IL17RD: variants seen among roughly 807,000 people sequenced by gnomAD.
IL17RD encodes interleukin-17 receptor D.
A neutral mutation model predicts 80.5 loss-of-function variants in IL17RD; 52 were observed. That is an observed-to-expected ratio of 0.65 (90% CI 0.52 to 0.81). IL17RD has a LOEUF of 0.81. Among genes scored for constraint, IL17RD ranks in the 40% least tolerant of loss-of-function variants. The probability of loss-of-function intolerance (pLI) is 0.00; values close to 1 mark genes in which losing one functional copy is unlikely to be tolerated. For synonymous variants in IL17RD, 416 were observed against 391.8 expected (o/e 1.06, Z -0.73); for missense variants, 1,024 against 955.1 (o/e 1.07, Z -0.95).
At chr3:57,165,140 A>T in intron 1 of IL17RD, 21 bp downstream of exon 1, 3 of 1,507,200 alleles carry the variant, frequency 2.0e-6, no homozygotes, top group Non-Finnish European at 2.7e-6. Context: ...GACGGCAAGA[A>T]ACCCGCCGCC....
Position 57,114,727 on chromosome 3 carries a change from A to G in IL17RD, c.275T>C (p.Val92Ala). 2 of 1,612,364 alleles carry G rather than the reference A, an allele frequency of 1.2e-6. No homozygotes were observed. Among genetic ancestry groups the G allele is most frequent in the East Asian group, 4.5e-5 (2 of 44,826 alleles). The change falls in exon 3 of 13, where the codon GTG (valine) becomes GCG (alanine). Residue 92 changes from valine (V) to alanine (A), a missense_variant. Coordinates refer to ENST00000296318, the MANE Select transcript of IL17RD (RefSeq NM_017563.5). Reference sequence around the variant, plus strand: ...TGGGGACCAAAGAATGGTGACTGCCACTTGGTCATGGCAAGCATACTGGCT... The same window carrying G: ...TGGGGACCAAAGAATGGTGACTGCCGCTTGGTCATGGCAAGCATACTGGCT... ...TISQYACHDQ[V>A]AVTILWSPGA...
chr3:57,131,694 G>C (rs559564999), intron 1 of IL17RD, among the ~76,000 whole-genome samples: 55 of 152,252 alleles, frequency 3.6e-4, no homozygotes, highest in African/African-American at 1.3e-3. Context: ...TCATTACCAA[G>C]ACTCACAGCT....
At chr3:57,105,552 A>AAAAAAAAAAAAAAAAAAAAAAT in intron 7 of IL17RD, among the ~76,000 whole-genome samples, 18 of 63,586 alleles carry the variant, frequency 2.8e-4, no homozygotes, top group African/African-American at 6.5e-4. Context: ...AAAAAAAAAA[A>AAAAAAAAAAAAAAAAAAAAAAT]ATATATATAT....
chr3:57,123,060 T>G (rs1263290049), intron 1 of IL17RD, among the ~76,000 whole-genome samples: 3 of 152,198 alleles, frequency 2.0e-5, no homozygotes. Flanking sequence ...AGGTGTGCTA[T>G]GCCATGCATT....
rs1706609950 is a variant in IL17RD at position 57,093,808 on chromosome 3, C to T, written c.*2585G>A. ...ACCTGAGCTTTAACCTCCTTGATCA[C>T]TCTCCTGGCAAAGCTGATGACATCA... On this transcript the variant is annotated 3_prime_UTR_variant, in exon 13 of 13. Coordinates refer to ENST00000296318, the MANE Select transcript of IL17RD (RefSeq NM_017563.5). 1 of 152,216 alleles carries T rather than the reference C, an allele frequency of 6.6e-6. No individual in the cohort carries two copies. Among genetic ancestry groups the T allele is most frequent in the African/African-American group, 2.4e-5 (1 of 41,442 alleles). 9.4% of individuals were successfully genotyped at this position (152,216 alleles called of 1,614,324 possible). A position where few individuals can be genotyped will look rare whatever the true frequency, so the allele number is the denominator to read the frequency against.
At chr3:57,111,159 C>T (rs1707089293) in intron 3 of IL17RD, among the ~76,000 whole-genome samples, 1 of 152,262 alleles carries the variant, frequency 6.6e-6, no homozygotes, top group Non-Finnish European at 1.5e-5. Flanking sequence ...ATTTCACATT[C>T]CTTCTGAACA....
Position 57,135,749 on chromosome 3 carries a change from A to G in IL17RD, c.127-15436T>C, listed in dbSNP as rs116067749. Among the ~76,000 whole-genome samples, 329 of 152,342 alleles carry G rather than the reference A, an allele frequency of 2.2e-3. 1 individual carries two copies. The highest frequency in any genetic ancestry group is 7.6e-3 in the African/African-American group (317 of 41,574). ...TAAAGTGAGTTAGGACCACTGGGCAAAATTCTTTCTAAGGGTCTTATCAAC... is the reference window on the plus strand; with the variant it reads ...TAAAGTGAGTTAGGACCACTGGGCAGAATTCTTTCTAAGGGTCTTATCAAC... On this transcript the variant is annotated intron_variant, in intron 1 of 12. Coordinates refer to ENST00000296318, the MANE Select transcript of IL17RD (RefSeq NM_017563.5).
At position 57,105,956 on chromosome 3, in the gene IL17RD, C is replaced by G. The variant is rs1706954358; in HGVS notation, c.648G>C (p.Val216=). 8.7e-6 allele frequency: 14 copies of G among 1,613,802 alleles called. No homozygotes were observed. In the East Asian group the frequency reaches 3.1e-4, roughly 36 times the overall value. ...AGTTGTGCGGTGCATGGTCGAAGGA[C>G]ACCTGCATGTCCGAGCCATGCTGGC... ...NISQHGSDMQ[V]SFDHAPHNFG... Residue 216 remains valine (V), a synonymous_variant, in exon 7 of 13, where the codon GTG becomes GTC. Transcript: ENST00000296318.
intron 7 of IL17RD, among the ~76,000 whole-genome samples, chr3:57,105,206 G>T (rs919994284): frequency 5.9e-5 from 9 of 152,000 alleles, no homozygotes; most frequent in Non-Finnish European, 8.8e-5. Context: ...AAAGCTCAGG[G>T]CCTGCCACAC....
At chr3:57,157,227 T>C (rs753973087) in intron 1 of IL17RD, among the ~76,000 whole-genome samples, 11 of 152,134 alleles carry the variant, frequency 7.2e-5, no homozygotes, top group Non-Finnish European at 1.6e-4. Flanking sequence ...GGCAGTTGAA[T>C]GTCAACAAAC....
upstream of IL17RD, among the ~76,000 whole-genome samples, chr3:57,166,985 C>G (rs537757315): frequency 1.3e-5 from 2 of 152,294 alleles, no homozygotes; most frequent in East Asian, 1.9e-4. Context: ...GAGAACTCTT[C>G]TTGGTAATGC....
At chr3:57,165,855 T>C (rs2060345760), upstream of IL17RD, among the ~76,000 whole-genome samples, 1 of 151,972 alleles carries the variant, frequency 6.6e-6, no homozygotes, top group African/African-American at 2.4e-5. Context: ...TCCACAATAC[T>C]TCCTCACCAC....
Position 57,096,102 on chromosome 3 carries a change from C to G in IL17RD, c.*291G>C. The stretch of plus-strand genomic sequence containing the variant: ...CCTGTTTTTCTTTACATATTTCCTC[C>G]CTACCTCCCACAACAGGCTCTGATC... On this transcript the variant is annotated 3_prime_UTR_variant, in exon 13 of 13. Transcript: ENST00000296318. 2 of 361,258 alleles carry G rather than the reference C, an allele frequency of 5.5e-6. No individual in the cohort carries two copies. Among genetic ancestry groups the G allele is most frequent in the Non-Finnish European group, 1.0e-5 (2 of 196,040 alleles). The allele number at this position is 361,258 out of a possible 1,614,324, so 22.4% of individuals were successfully genotyped here.
chr3:57,163,316 G>A (rs894997820), intron 1 of IL17RD, among the ~76,000 whole-genome samples: 3 of 152,150 alleles, frequency 2.0e-5, no homozygotes, highest in Non-Finnish European at 2.9e-5. Flanking sequence ...TGGAGAAAAC[G>A]TCAGCATAAG....
chr3:57,152,372 A>G (rs550602587), intron 1 of IL17RD, among the ~76,000 whole-genome samples: 1 of 152,310 alleles, frequency 6.6e-6, no homozygotes, highest in East Asian at 1.9e-4. Flanking sequence ...AAGAAAATGA[A>G]AAGCAAAGTT....
At chr3:57,165,013 G>A in intron 1 of IL17RD, 148 bp downstream of exon 1, 5 of 1,341,854 alleles carry the variant, frequency 3.7e-6, no homozygotes, top group Non-Finnish European at 4.8e-6. Context: ...GAAACCAGGA[G>A]GATGCGCGGG....
chr3:57,139,515 C>CTT (rs10717205), intron 1 of IL17RD, among the ~76,000 whole-genome samples: 4 of 134,748 alleles, frequency 3.0e-5, no homozygotes, highest in Admixed American at 7.4e-5. Context: ...TGAAAATTTC[C>CTT]TTTTTTTTTT....
At chr3:57,146,749 CAA>C (rs201495065) in intron 1 of IL17RD, among the ~76,000 whole-genome samples, 2,152 of 75,222 alleles carry the variant, frequency 0.029, 39 homozygotes, top group East Asian at 0.077. Context: ...GACTGCATCT[CAA>C]AAAAAAAAAA....
At position 57,127,371 on chromosome 3, in the gene IL17RD, TATATATAA is replaced by T. The variant is rs1480773020; in HGVS notation, c.127-7066_127-7059del. On this transcript the variant is annotated intron_variant, in intron 1 of 12. Coordinates refer to ENST00000296318, the MANE Select transcript of IL17RD (RefSeq NM_017563.5). ...ATAAATATATATAAATATAAATATA[TATATATAA>T]ATAAATAAATAAATAAATATATATA... 2.2e-3 allele frequency among the ~76,000 whole-genome samples: 205 copies of T among 91,696 alleles called. 31 individuals are homozygous for T. The highest frequency in any genetic ancestry group is 0.011 in the African/African-American group (200 of 18,786). The allele number at this position is 91,696 out of a possible 152,430, so 60.2% of individuals were successfully genotyped here.
Sources: gnomAD v4.1 joint callset for allele counts (sites outside exome capture counted in the v4.1 genomes callset) on GRCh38, gnomAD v4.1.1 for gene constraint, MANE v1.5 for transcripts, NCBI Gene and HGNC (gene_info 2026-07-23, HGNC 2026-07-21) for gene names.